The following POLR2J variants were observed in gnomAD, a reference collection of about 807,000 sequenced individuals.
The protein encoded by POLR2J is DNA-directed RNA polymerase II subunit RPB11-a.
In POLR2J, 12 loss-of-function variants were observed where a neutral mutation model predicts 13.4. The ratio of observed to expected loss-of-function variants is 0.90; its 90% CI spans 0.57 to 1.45. The LOEUF is 1.45. POLR2J is among the 40% of genes most tolerant of loss of function. POLR2J has a pLI of 0.00. For missense variants in POLR2J, 58 were observed against 132.0 expected, an observed-to-expected ratio of 0.44 and a Z score of 2.75; for synonymous variants, 31 against 53.6, an observed-to-expected ratio of 0.58 and a Z score of 1.84.
Position 102,473,452 on chromosome 7 carries a change from C to T in POLR2J, c.*197G>A. 1 of 669,142 alleles carries T rather than the reference C, an allele frequency of 1.5e-6. No homozygotes were observed. The highest frequency in any genetic ancestry group is 2.2e-6 in the Non-Finnish European group (1 of 460,350). The allele number at this position is 669,142 out of a possible 1,614,324, so 41.5% of individuals were successfully genotyped here. On this transcript the variant is annotated 3_prime_UTR_variant, in exon 4 of 4. Transcript: ENST00000292614. Reference sequence around the variant, plus strand: ...AAGTCACCGCTGCTCAAGTCCACATCCAGGTCTCTCCCGCTATACTTTATT... The same window carrying T: ...AAGTCACCGCTGCTCAAGTCCACATTCAGGTCTCTCCCGCTATACTTTATT...
At position 102,478,880 on chromosome 7, in the gene POLR2J, C is replaced by T. The variant is rs746874775; in HGVS notation, c.-20G>A. The T allele has an allele frequency of 6.2e-7, 1 of 1,610,594 alleles. No homozygotes were observed. The highest frequency in any genetic ancestry group is 8.5e-7 in the Non-Finnish European group (1 of 1,179,658). On this transcript the variant is annotated 5_prime_UTR_variant, in exon 1 of 4. Coordinates refer to ENST00000292614, the MANE Select transcript of POLR2J (RefSeq NM_006234.6). ...GTTCATGCTCCCGCCGCCGTTGCGT[C>T]CAGACCCCAAGGGTCCGCCGCCGCC...
In POLR2J at chr7:102,473,566, TCTC is replaced by T; in HGVS notation, c.*80_*82del. ...GCGGGCCATGGCTGGGACCGGCCGC[TCTC>T]CTCGGTGTGGTACCTGGAGCGGAGG... On this transcript the variant is annotated 3_prime_UTR_variant, in exon 4 of 4. Transcript: ENST00000292614. 4 of 1,391,632 alleles carry T rather than the reference TCTC, an allele frequency of 2.9e-6. No homozygotes were observed. Among genetic ancestry groups the T allele is most frequent in the Non-Finnish European group, 3.7e-6 (4 of 1,079,228 alleles). 86.2% of individuals were successfully genotyped at this position (1,391,632 alleles called of 1,614,324 possible). A position where few individuals can be genotyped will look rare whatever the true frequency, so the allele number is the denominator to read the frequency against.
At position 102,473,559 on chromosome 7, in the gene POLR2J, C is replaced by A; in HGVS notation, c.*90G>T. 11 of 1,317,736 alleles carry A rather than the reference C, an allele frequency of 8.3e-6. No homozygotes were observed. Among genetic ancestry groups the A allele is most frequent in the Middle Eastern group, 2.1e-4 (1 of 4,690 alleles). The allele number at this position is 1,317,736 out of a possible 1,614,324, so 81.6% of individuals were successfully genotyped here. A position where few individuals can be genotyped will look rare whatever the true frequency, so the allele number is the denominator to read the frequency against. ...CCACAAGGCGGGCCATGGCTGGGAC[C>A]GGCCGCTCTCCTCGGTGTGGTACCT... On this transcript the variant is annotated 3_prime_UTR_variant, in exon 4 of 4. Coordinates refer to ENST00000292614, the MANE Select transcript of POLR2J (RefSeq NM_006234.6).
intron 1 of POLR2J, 101 bp from the exon 2 acceptor site, chr7:102,476,371 C>A (rs1409097003): frequency 5.2e-6 from 3 of 575,350 alleles, no homozygotes; most frequent in Non-Finnish European, 9.4e-6. Context: ...TGGCTCGTGC[C>A]TGTAATCCCA....
chr7:102,474,353 G>C lies in POLR2J; in HGVS notation c.318+8C>G. ...CACCCCGTCTGCCCCTCCAGGCCCC[G>C]CCCTCACCCGAAAGCGCTCCTCCAG... On this transcript the variant is annotated splice_region_variant and intron_variant, in intron 3 of 3. Transcript: ENST00000292614. 6.2e-7 allele frequency: 1 copy of C among 1,611,702 alleles called. No individual in the cohort carries two copies. Among genetic ancestry groups the C allele is most frequent in the Non-Finnish European group, 8.5e-7 (1 of 1,179,608 alleles).
rs565885423 is a variant in POLR2J at position 102,473,222 on chromosome 7, G to A, written c.*427C>T. The A allele has an allele frequency of 1.0e-5, 8 of 790,614 alleles. No homozygotes were observed. In the Admixed American group the frequency reaches 2.4e-4, roughly 23 times the overall value. 49.0% of individuals were successfully genotyped at this position (790,614 alleles called of 1,614,324 possible). ...AGGAAGAAGTGTTCCTGCTTTGACT[G>A]ACAGGCAGGCCCAGGAGTTGAGGCT... On this transcript the variant is annotated 3_prime_UTR_variant, in exon 4 of 4. Transcript: ENST00000292614.
At chr7:102,477,011 T>TA (rs1250972867) in intron 1 of POLR2J, among the ~76,000 whole-genome samples, 7 of 125,988 alleles carry the variant, frequency 5.6e-5, no homozygotes, top group Non-Finnish European at 8.9e-5. Context: ...CCTTTTTTCT[T>TA]ACGCCAACAT....
Position 102,473,172 on chromosome 7 carries a change from T to C in POLR2J, c.*477A>G, listed in dbSNP as rs923203232. 5.2e-6 allele frequency: 6 copies of C among 1,151,494 alleles called. No individual in the cohort carries two copies. The highest frequency in any genetic ancestry group is 6.0e-6 in the Non-Finnish European group (5 of 827,398). The allele number at this position is 1,151,494 out of a possible 1,614,324, so 71.3% of individuals were successfully genotyped here. On this transcript the variant is annotated 3_prime_UTR_variant, in exon 4 of 4. Transcript: ENST00000292614. ...TAAACTCTACTGTGGACAAGAAGCC[T>C]GTGGAAAGGTGTTTCGAGTTATGCA... is the stretch of plus-strand genomic sequence containing the variant.
intron 2 of POLR2J, 42 bp downstream of exon 2, chr7:102,476,139 C>G (rs1798424937): frequency 1.2e-6 from 1 of 835,452 alleles, no homozygotes; most frequent in Non-Finnish European, 1.8e-6. Flanking sequence ...CCAGGGGGGC[C>G]CATTAAACAC....
rs1406252107 is a variant in POLR2J, at chr7:102,473,302, G to T, written c.*347C>A. On this transcript the variant is annotated 3_prime_UTR_variant, in exon 4 of 4. Coordinates refer to ENST00000292614, the MANE Select transcript of POLR2J (RefSeq NM_006234.6). ...GGTTTGCACACTTCTCTCCGGCTCAGCACAGCCCCCGCAGCAGCCCCTGGA... is the reference window on the plus strand; with the variant it reads ...GGTTTGCACACTTCTCTCCGGCTCATCACAGCCCCCGCAGCAGCCCCTGGA... The T allele has an allele frequency of 8.7e-6, 5 of 577,108 alleles. No individual in the cohort carries two copies. The highest frequency in any genetic ancestry group is 1.5e-5 in the Non-Finnish European group (5 of 335,860). The allele number at this position is 577,108 out of a possible 1,614,324, so 35.7% of individuals were successfully genotyped here.
Position 102,473,573 on chromosome 7 carries a change from G to C in POLR2J, c.*76C>G, listed in dbSNP as rs547451689. The C allele has an allele frequency of 1.3e-6, 2 of 1,595,614 alleles. No individual in the cohort carries two copies. Among genetic ancestry groups the C allele is most frequent in the Admixed American group, 1.7e-5 (1 of 57,440 alleles). On this transcript the variant is annotated 3_prime_UTR_variant, in exon 4 of 4. Coordinates refer to ENST00000292614, the MANE Select transcript of POLR2J (RefSeq NM_006234.6). ...ATGGCTGGGACCGGCCGCTCTCCTCGGTGTGGTACCTGGAGCGGAGGGTCA... is the reference window on the plus strand; with the variant it reads ...ATGGCTGGGACCGGCCGCTCTCCTCCGTGTGGTACCTGGAGCGGAGGGTCA...
chr7:102,473,632 A>G lies in POLR2J; in HGVS notation c.*17T>C, dbSNP rs1024517696. The G allele has an allele frequency of 1.2e-6, 2 of 1,613,636 alleles. No homozygotes were observed. Among genetic ancestry groups the G allele is most frequent in the Non-Finnish European group, 1.7e-6 (2 of 1,179,896 alleles). ...TAGGAACGGGGCTCACAGGCCGAGC[A>G]GAGCCCCCTCTGGCCCCTACTCAAT... is the stretch of plus-strand genomic sequence containing the variant. On this transcript the variant is annotated 3_prime_UTR_variant, in exon 4 of 4. Transcript: ENST00000292614.
In POLR2J at chr7:102,473,151, C is replaced by CTCTACTGTGG; in HGVS notation, c.*488_*497dup. The CTCTACTGTGG allele has an allele frequency of 3.8e-6, 5 of 1,321,968 alleles. No individual in the cohort carries two copies. The highest frequency in any genetic ancestry group is 5.2e-6 in the Non-Finnish European group (5 of 965,218). 81.9% of individuals were successfully genotyped at this position (1,321,968 alleles called of 1,614,324 possible). Reference sequence around the variant, plus strand: ...TCTTTCAGTGAATATTTTTATTAAACTCTACTGTGGACAAGAAGCCTGTGG... The same window carrying CTCTACTGTGG: ...TCTTTCAGTGAATATTTTTATTAAACTCTACTGTGGTCTACTGTGGACAAGAAGCCTGTGG... On this transcript the variant is annotated 3_prime_UTR_variant, in exon 4 of 4. Transcript: ENST00000292614.
At position 102,474,424 on chromosome 7, in the gene POLR2J, T is replaced by C; in HGVS notation, c.255A>G (p.Glu85=). The stretch of plus-strand genomic sequence containing the variant: ...GGTCGGTGATGGCGTTGGTAAAGGC[T>C]TCCTGGGGGCTGTAGTCCGGCGTGG... ...VQTTPDYSPQ[E]AFTNAITDLI... The change falls in exon 3 of 4, where the codon GAA becomes GAG. Residue 85 remains glutamate (E), a synonymous_variant. Transcript: ENST00000292614. 1 of 1,610,130 alleles carries C rather than the reference T, an allele frequency of 6.2e-7. No individual in the cohort carries two copies.
Position 102,476,570 on chromosome 7 carries a change from G to A in POLR2J, c.54-300C>T, listed in dbSNP as rs1488993950. Among the ~76,000 whole-genome samples the A allele has an allele frequency of 4.2e-5, 6 of 143,776 alleles. No homozygotes were observed. In the South Asian group the frequency reaches 1.1e-3, roughly 27 times the overall value. The allele number at this position is 143,776 out of a possible 152,430, so 94.3% of individuals were successfully genotyped here. A position where few individuals can be genotyped will look rare whatever the true frequency, so the allele number is the denominator to read the frequency against. ...CAGGAGAATCACTTGAACCTGGGAG[G>A]TGGAGTTGCAGTGAGCCGAGATCAT... On this transcript the variant is annotated intron_variant, in intron 1 of 3. Coordinates refer to ENST00000292614, the MANE Select transcript of POLR2J (RefSeq NM_006234.6).
chr7:102,473,505 G>GAACAC lies in POLR2J; in HGVS notation c.*143_*144insGTGTT. 3.9e-6 allele frequency: 4 copies of GAACAC among 1,025,134 alleles called. No individual in the cohort carries two copies. The highest frequency in any genetic ancestry group is 3.7e-5 in the South Asian group (2 of 53,786). 63.5% of individuals were successfully genotyped at this position (1,025,134 alleles called of 1,614,324 possible). A position where few individuals can be genotyped will look rare whatever the true frequency, so the allele number is the denominator to read the frequency against. ...GAATATAAAACCTAATCTATGTACA[G>GAACAC]GACACGTCGGTGTCAGGGTGAGGGG... On this transcript the variant is annotated 3_prime_UTR_variant, in exon 4 of 4. Transcript: ENST00000292614.
Position 102,473,493 on chromosome 7 carries a change from A to ATACTTT in POLR2J, c.*155_*156insAAAGTA. On this transcript the variant is annotated 3_prime_UTR_variant, in exon 4 of 4. Transcript: ENST00000292614. ...ATACTTTATTAGGAATATAAAACCT[A>ATACTTT]ATCTATGTACAGGACACGTCGGTGT... 1.1e-6 allele frequency: 1 copy of ATACTTT among 911,564 alleles called. No individual in the cohort carries two copies. The highest frequency in any genetic ancestry group is 3.2e-5 in the East Asian group (1 of 31,636). The allele number at this position is 911,564 out of a possible 1,614,324, so 56.5% of individuals were successfully genotyped here. A position where few individuals can be genotyped will look rare whatever the true frequency, so the allele number is the denominator to read the frequency against.
In POLR2J at chr7:102,473,462, C is replaced by T. The variant is rs1131383; in HGVS notation, c.*187G>A. ...TGCTCAAGTCCACATCCAGGTCTCT[C>T]CCGCTATACTTTATTAGGAATATAA... On this transcript the variant is annotated 3_prime_UTR_variant, in exon 4 of 4. Transcript: ENST00000292614. 629,683 of 795,656 alleles carry T rather than the reference C, an allele frequency of 0.79. 244,096 individuals are homozygous for T. The highest frequency in any genetic ancestry group is 0.87 in the East Asian group (29,423 of 34,008). 49.3% of individuals were successfully genotyped at this position (795,656 alleles called of 1,614,324 possible).
chr7:102,473,732 AGGACGCT>A, intron 3 of POLR2J, 48 bp from the exon 4 acceptor site: 3 of 1,612,182 alleles, frequency 1.9e-6, no homozygotes, highest in Non-Finnish European at 2.5e-6. Flanking sequence ...AGCTGGGGCA[AGGACGCT>A]GGAAACACAT....
Sources: allele counts gnomAD v4.1 joint callset (sites outside exome capture counted in the v4.1 genomes callset), GRCh38; gene constraint gnomAD v4.1.1; transcripts MANE v1.5; gene names NCBI Gene and HGNC (gene_info 2026-07-23, HGNC 2026-07-21).